The following EML6 variants were observed in gnomAD, a reference collection of about 807,000 sequenced individuals.
EML6 encodes the protein EMAP like 6, also known as echinoderm microtubule-associated protein-like 6.
EML6 carries 154 observed loss-of-function variants against 240.1 expected under a neutral mutation model. That is an observed-to-expected ratio of 0.64 (90% CI 0.56 to 0.73). The LOEUF is 0.73. Among genes scored for constraint, EML6 ranks in the 30% least tolerant of loss-of-function variants. EML6 has a pLI of 0.00. For synonymous variants in EML6, 1,148 were observed against 899.0 expected (o/e 1.28, Z -4.95); for missense variants, 2,964 against 2,474.6 (o/e 1.20, Z -4.20).
At chr2:54,893,556 G>C (rs907023214) in intron 19 of EML6, among the ~76,000 whole-genome samples, 1 of 152,180 alleles carries the variant, frequency 6.6e-6, no homozygotes, top group South Asian at 2.1e-4. Flanking sequence ...TTCAACATGA[G>C]TTTTGGAGGG....
chr2:54,797,189 A>AT (rs1326558140), intron 2 of EML6, among the ~76,000 whole-genome samples: 1 of 138,800 alleles, frequency 7.2e-6, no homozygotes, highest in Non-Finnish European at 1.6e-5. Flanking sequence ...AAAAAAAAAA[A>AT]CTGTGATCTT....
chr2:54,825,260 A>T (rs1668532044), intron 5 of EML6, among the ~76,000 whole-genome samples: 1 of 152,216 alleles, frequency 6.6e-6, no homozygotes, highest in African/African-American at 2.4e-5. Context: ...TATGAACAGC[A>T]AGTTCTTTGG....
At chr2:54,848,555 ATTTC>A (rs1669899703) in intron 9 of EML6, among the ~76,000 whole-genome samples, 1 of 152,066 alleles carries the variant, frequency 6.6e-6, no homozygotes, top group Non-Finnish European at 1.5e-5. Context: ...ACACACATAA[ATTTC>A]CAGACACCTA....
chr2:54,820,626 G>A (rs1256468237), intron 5 of EML6, among the ~76,000 whole-genome samples, 164 bp downstream of exon 5: 2 of 152,136 alleles, frequency 1.3e-5, no homozygotes, highest in African/African-American at 2.4e-5. Flanking sequence ...AACATCAGCT[G>A]ATGGGGCTCT....
At chr2:54,839,308 T>C (rs1298435151) in intron 7 of EML6, among the ~76,000 whole-genome samples, 1 of 152,204 alleles carries the variant, frequency 6.6e-6, no homozygotes, top group African/African-American at 2.4e-5. Flanking sequence ...TTAGGAAACA[T>C]GAATACAGCT....
At chr2:54,931,951 C>T (rs1393409478) in intron 28 of EML6, among the ~76,000 whole-genome samples, 1 of 152,202 alleles carries the variant, frequency 6.6e-6, no homozygotes, top group African/African-American at 2.4e-5. Context: ...AACTGAATTC[C>T]TAATTCCTAA....
In EML6 at chr2:54,725,031, G is replaced by A. The variant is rs773100562; in HGVS notation, c.-31G>A. On this transcript the variant is annotated 5_prime_UTR_variant, in exon 2 of 42. Transcript: ENST00000356458. The surrounding 1 kb of genome is among the most constrained non-coding windows in gnomAD (Gnocchi z 4.3). ...CGGCGAGGACGGCCCCGGCGCGCGG[G>A]GGGGCGGGGGGCGCGCGGGGTCGGC... 154 of 1,476,246 alleles carry A rather than the reference G, an allele frequency of 1.0e-4. No individual in the cohort carries two copies. The highest frequency in any genetic ancestry group is 2.4e-4 in the Middle Eastern group (1 of 4,184). 91.4% of individuals were successfully genotyped at this position (1,476,246 alleles called of 1,614,324 possible).
chr2:54,796,537 C>T (rs1424438644), intron 2 of EML6, among the ~76,000 whole-genome samples: 2 of 149,864 alleles, frequency 1.3e-5, no homozygotes, highest in Non-Finnish European at 3.0e-5. Flanking sequence ...TTTAAGTATG[C>T]TGAGAGCTTA....
At chr2:54,910,133 A>G (rs1360782938) in intron 24 of EML6, among the ~76,000 whole-genome samples, 1 of 152,190 alleles carries the variant, frequency 6.6e-6, no homozygotes, top group Non-Finnish European at 1.5e-5. Context: ...AGGGTTGGCC[A>G]TGTGTTAATA....
At chr2:54,905,162 T>A (rs993558181) in intron 24 of EML6, among the ~76,000 whole-genome samples, 4 of 152,096 alleles carry the variant, frequency 2.6e-5, no homozygotes, top group African/African-American at 9.7e-5. Flanking sequence ...GCACTGTGAC[T>A]TTATCTAGGA....
At chr2:54,748,861 C>G (rs1684032464) in intron 2 of EML6, among the ~76,000 whole-genome samples, 1 of 152,150 alleles carries the variant, frequency 6.6e-6, no homozygotes, top group Non-Finnish European at 1.5e-5. Flanking sequence ...CTGTCCCTGG[C>G]CAGAATCCCT....
At chr2:54,884,037 C>A (rs1015337767) in intron 17 of EML6, among the ~76,000 whole-genome samples, 6 of 152,288 alleles carry the variant, frequency 3.9e-5, no homozygotes, top group Admixed American at 1.3e-4. Flanking sequence ...CACCAGCAAG[C>A]AAACAATTCT....
chr2:54,880,837 G>T (rs1671773461), intron 17 of EML6: 3 of 152,146 alleles, frequency 2.0e-5, no homozygotes, highest in Non-Finnish European at 4.4e-5. Context: ...TTCAGGGAAA[G>T]CACATTTCTG....
chr2:54,964,244 A>C, intron 37 of EML6, 86 bp downstream of exon 37: 1 of 1,372,164 alleles, frequency 7.3e-7, no homozygotes, highest in South Asian at 1.4e-5. Flanking sequence ...GGCTGGAATA[A>C]AGAACTCAGT....
chr2:54,888,450 C>T (rs1158956497), intron 17 of EML6, among the ~76,000 whole-genome samples: 1 of 152,182 alleles, frequency 6.6e-6, no homozygotes, highest in South Asian at 2.1e-4. Context: ...TCTGCAGTTA[C>T]AACAGTATAT....
Position 54,960,241 on chromosome 2 carries a change from A to G in EML6, c.4875A>G (p.Val1625=), listed in dbSNP as rs1473350850. The change falls in exon 35 of 42, where the codon GTA becomes GTG. Residue 1625 remains valine, a synonymous_variant. Transcript: ENST00000356458. ...TTAGGACCAAAGAAGGAGGTGCTGT[A>G]AAATTGTGGGACCAGGAGATGAAGC... The part of the protein sequence containing the change: ...KERPTKEGGA[V]KLWDQEMKRC... 1 of 1,551,518 alleles carries G rather than the reference A, an allele frequency of 6.4e-7. No individual in the cohort carries two copies. The highest frequency in any genetic ancestry group is 8.7e-7 in the Non-Finnish European group (1 of 1,146,864).
intron 26 of EML6, among the ~76,000 whole-genome samples, chr2:54,918,682 T>C (rs1463472131): frequency 6.6e-6 from 1 of 152,200 alleles, no homozygotes; most frequent in East Asian, 1.9e-4. Flanking sequence ...TTGTAACAAT[T>C]CTTTAATCAG....
At chr2:54,859,074 A>C (rs1185110936) in intron 11 of EML6, among the ~76,000 whole-genome samples, 34 of 152,226 alleles carry the variant, frequency 2.2e-4, no homozygotes, top group Admixed American at 2.2e-3. Context: ...GTTAGTGTTC[A>C]CTGAGTAAAG....
chr2:54,863,515 A>T (rs1452732796), intron 12 of EML6, among the ~76,000 whole-genome samples: 5 of 152,116 alleles, frequency 3.3e-5, no homozygotes, highest in African/African-American at 4.8e-5. Flanking sequence ...ACCCTGTCTC[A>T]AAAAAAGTAT....
Sources: gnomAD v4.1 joint callset for allele counts (sites outside exome capture counted in the v4.1 genomes callset) on GRCh38, gnomAD v4.1.1 for gene constraint, Gnocchi (gnomAD v3.1) non-coding constraint, MANE v1.5 for transcripts, NCBI Gene and HGNC (gene_info 2026-07-23, HGNC 2026-07-21) for gene names.